The following KIF5C variants were observed in gnomAD, a reference collection of about 807,000 sequenced individuals.
KIF5C encodes the protein kinesin family member 5C.
KIF5C carries 18 observed loss-of-function variants against 125.2 expected under a neutral mutation model. The observed-to-expected ratio is 0.14, with a 90% CI of 0.10 to 0.21. The LOEUF is 0.21. KIF5C is among the 10% of genes least tolerant of loss of function. KIF5C has a pLI of 1.00. For synonymous variants in KIF5C, 405 were observed against 434.0 expected (o/e 0.93, Z 0.83); for missense variants, 780 against 1,183.8 (o/e 0.66, Z 5.01).
chr2:148,921,212 C>G (rs962620146), intron 1 of KIF5C, among the ~76,000 whole-genome samples: 1 of 152,138 alleles, frequency 6.6e-6, no homozygotes, highest in Non-Finnish European at 1.5e-5. Context: ...CTTCCCTTAC[C>G]TCTACTAGTT....
At chr2:148,888,631 T>A (rs1681622550) in intron 1 of KIF5C, 1 of 152,096 alleles carries the variant, frequency 6.6e-6, no homozygotes, top group African/African-American at 2.4e-5. Flanking sequence ...GTTGTCTGGG[T>A]TGGCACAGAA....
At chr2:148,929,222 C>G in intron 2 of KIF5C, 59 bp from the exon 3 acceptor site, 1 of 1,055,710 alleles carries the variant, frequency 9.5e-7, no homozygotes, top group Non-Finnish European at 1.4e-6. Flanking sequence ...AATATGCAAC[C>G]TACACCAGCA....
chr2:148,884,955 T>G (rs1681470873), intron 1 of KIF5C, among the ~76,000 whole-genome samples: 1 of 146,476 alleles, frequency 6.8e-6, no homozygotes, highest in Non-Finnish European at 1.5e-5. Flanking sequence ...CCCCTCACAA[T>G]GGCCATGTCC....
chr2:149,000,938 T>C (rs765245683), intron 21 of KIF5C, among the ~76,000 whole-genome samples, 156 bp downstream of exon 21: 1 of 152,244 alleles, frequency 6.6e-6, no homozygotes, highest in Admixed American at 6.5e-5. Context: ...AATTTAGTCC[T>C]CAACTTTTCA....
chr2:148,979,060 A>G, intron 13 of KIF5C, 70 bp downstream of exon 13: 11 of 1,422,712 alleles, frequency 7.7e-6, no homozygotes, highest in Non-Finnish European at 1.0e-5. Context: ...TGTTTGTTCC[A>G]GGAATTTAAT....
At chr2:148,902,108 A>G (rs1378666835) in intron 1 of KIF5C, among the ~76,000 whole-genome samples, 2 of 152,102 alleles carry the variant, frequency 1.3e-5, no homozygotes, top group East Asian at 3.9e-4. Flanking sequence ...TTGGTCCATA[A>G]CAAAATGGAA....
At chr2:148,911,323 A>T (rs1681327625) in intron 1 of KIF5C, among the ~76,000 whole-genome samples, 1 of 152,180 alleles carries the variant, frequency 6.6e-6, no homozygotes, top group Non-Finnish European at 1.5e-5. Flanking sequence ...GAAGGGGTCA[A>T]AGAGGAAGGA....
At chr2:148,891,215 G>C (rs1419562199) in intron 1 of KIF5C, among the ~76,000 whole-genome samples, 1 of 152,008 alleles carries the variant, frequency 6.6e-6, no homozygotes, top group Non-Finnish European at 1.5e-5. Flanking sequence ...CCTATAAATG[G>C]CTTAATATTG....
At chr2:148,918,187 T>G (rs1681636589) in intron 1 of KIF5C, among the ~76,000 whole-genome samples, 1 of 152,232 alleles carries the variant, frequency 6.6e-6, no homozygotes. Context: ...TGGTAAATTA[T>G]TAATTTTAGT....
intron 10 of KIF5C, among the ~76,000 whole-genome samples, chr2:148,960,895 G>A (rs1472586501): frequency 1.3e-5 from 2 of 152,232 alleles, no homozygotes; most frequent in Admixed American, 6.5e-5. Flanking sequence ...TTACCTTCTT[G>A]AAAGTAAGCC....
At chr2:149,018,694 C>G (rs57519066) in intron 25 of KIF5C, among the ~76,000 whole-genome samples, 11,391 of 152,042 alleles carry the variant, frequency 0.075, 1,207 homozygotes, top group African/African-American at 0.23. Context: ...TAAAAATTAG[C>G]TAGGTATGGC....
At position 148,899,173 on chromosome 2, in the gene KIF5C, C is replaced by A. The variant is rs138904897; in HGVS notation, c.127-22964C>A. Among the ~76,000 whole-genome samples, 1,340 of 152,200 alleles carry A rather than the reference C, an allele frequency of 8.8e-3. 11 individuals are homozygous for A. Among genetic ancestry groups the A allele is most frequent in the Middle Eastern group, 0.041 (12 of 294 alleles). On this transcript the variant is annotated intron_variant, in intron 1 of 25. Coordinates refer to ENST00000435030, the MANE Select transcript of KIF5C (RefSeq NM_004522.3). ...CCTATATAGTTCTTTCGTCATCGAACACCTTTTAATCTTATTTTTTTAAGA... is the reference window on the plus strand; with the variant it reads ...CCTATATAGTTCTTTCGTCATCGAAAACCTTTTAATCTTATTTTTTTAAGA...
Position 148,949,832 on chromosome 2 carries a change from C to A in KIF5C, c.715-7C>A. 1 of 1,613,332 alleles carries A rather than the reference C, an allele frequency of 6.2e-7. No homozygotes were observed. Among genetic ancestry groups the A allele is most frequent in the Non-Finnish European group, 8.5e-7 (1 of 1,179,610 alleles). On this transcript the variant is annotated splice_region_variant and splice_polypyrimidine_tract_variant and intron_variant, in intron 8 of 25. Coordinates refer to ENST00000435030, the MANE Select transcript of KIF5C (RefSeq NM_004522.3). ...TGCTGCTCACTGCTTTCTTTTCTCT[C>A]TGGTAGGTCAGCAAAACTGGTGCCG...
At chr2:148,984,905 C>T (rs149042453) in intron 15 of KIF5C, among the ~76,000 whole-genome samples, 8 of 152,294 alleles carry the variant, frequency 5.3e-5, no homozygotes, top group African/African-American at 1.9e-4. Flanking sequence ...ATTCATGTGC[C>T]TCAGTCTGCC....
intron 12 of KIF5C, among the ~76,000 whole-genome samples, chr2:148,975,669 C>T (rs923337961): frequency 6.6e-6 from 1 of 152,226 alleles, no homozygotes; most frequent in African/African-American, 2.4e-5. Flanking sequence ...CCCGCCAGGG[C>T]TCCAAGCACA....
intron 24 of KIF5C, among the ~76,000 whole-genome samples, chr2:149,011,324 G>C (rs962046903): frequency 6.6e-6 from 1 of 152,112 alleles, no homozygotes; most frequent in African/African-American, 2.4e-5. Flanking sequence ...AACTTTTCTT[G>C]GCCCAAATTA....
At chr2:149,006,379 G>T (rs1474805664) in intron 22 of KIF5C, among the ~76,000 whole-genome samples, 1 of 152,160 alleles carries the variant, frequency 6.6e-6, no homozygotes, top group African/African-American at 2.4e-5. Flanking sequence ...GAGGAGTGGA[G>T]AAGTCAAGTT....
chr2:148,950,039 G>A (rs1337147195), intron 9 of KIF5C, 96 bp downstream of exon 9: 2 of 1,476,210 alleles, frequency 1.4e-6, no homozygotes, highest in African/African-American at 2.8e-5. Context: ...AGGCTGGTTT[G>A]TTTTTCTGTT....
chr2:148,923,372 T>C (rs947337734), intron 2 of KIF5C, among the ~76,000 whole-genome samples: 1 of 152,172 alleles, frequency 6.6e-6, no homozygotes, highest in Non-Finnish European at 1.5e-5. Flanking sequence ...AGACATCAAT[T>C]AATTTTGAAG....
Sources: allele counts gnomAD v4.1 joint callset (sites outside exome capture counted in the v4.1 genomes callset), GRCh38; gene constraint gnomAD v4.1.1; transcripts MANE v1.5; gene names NCBI Gene and HGNC (gene_info 2026-07-23, HGNC 2026-07-21).